The following CAPRIN1 variants were observed in gnomAD, a reference collection of about 807,000 sequenced individuals.
CAPRIN1 encodes the protein caprin-1.
CAPRIN1 carries 29 observed loss-of-function variants against 100.9 expected under a neutral mutation model. The ratio of observed to expected loss-of-function variants is 0.29; its 90% CI spans 0.21 to 0.39. CAPRIN1 has a LOEUF of 0.39. CAPRIN1 is among the 10% of genes least tolerant of loss of function. The probability of loss-of-function intolerance (pLI) is 1.00; values close to 1 mark genes in which losing one functional copy is unlikely to be tolerated. For synonymous variants in CAPRIN1, 338 were observed against 307.5 expected (o/e 1.10, Z -1.04); for missense variants, 795 against 876.7 (o/e 0.91, Z 1.18).
rs1453229800 is a variant in CAPRIN1, at chr11:34,086,346, C to T, written c.1164C>T (p.Ala388=). ...LDFENQTLDP[A]IVSAQPMNPT... is the part of the protein sequence containing the mutation. ...TTGAAAATCAGACACTTGATCCTGC[C>T]ATTGTATCTGCACAGCCTATGAATC... The change falls in exon 11 of 19, where the codon GCC becomes GCT. Residue 388 remains alanine (A), a synonymous_variant. Coordinates refer to ENST00000341394, the MANE Select transcript of CAPRIN1 (RefSeq NM_005898.5). 1 of 1,613,876 alleles carries T rather than the reference C, an allele frequency of 6.2e-7. No homozygotes were observed. Among genetic ancestry groups the T allele is most frequent in the Non-Finnish European group, 8.5e-7 (1 of 1,179,914 alleles).
At chr11:34,059,985 C>T (rs1157787442) in intron 2 of CAPRIN1, among the ~76,000 whole-genome samples, 1 of 145,998 alleles carries the variant, frequency 6.8e-6, no homozygotes, top group East Asian at 2.1e-4. Flanking sequence ...CACCTGAGGT[C>T]AGGAGTTCGA....
intron 2 of CAPRIN1, among the ~76,000 whole-genome samples, chr11:34,058,776 T>C (rs191603680): frequency 1.4e-3 from 215 of 152,322 alleles, no homozygotes; most frequent in African/African-American, 4.8e-3. Context: ...AGTTTTTCTT[T>C]ATGTTTAGCT....
intron 11 of CAPRIN1, among the ~76,000 whole-genome samples, chr11:34,088,068 G>T (rs547111777): frequency 1.7e-4 from 26 of 152,122 alleles, no homozygotes; most frequent in African/African-American, 6.0e-4. Context: ...CGCATTCTTG[G>T]CTCGGCACGC....
chr11:34,052,891 C>T (rs1277386595), intron 2 of CAPRIN1: 8 of 1,355,264 alleles, frequency 5.9e-6, no homozygotes, highest in South Asian at 1.7e-5. Flanking sequence ...TACTCTTCCG[C>T]TGTGGGTCCG....
chr11:34,086,616 T>C (rs1387325139), intron 11 of CAPRIN1, among the ~76,000 whole-genome samples: 2 of 152,270 alleles, frequency 1.3e-5, no homozygotes, highest in African/African-American at 4.8e-5. Context: ...TTTAAACTTT[T>C]CATTGGCATG....
At chr11:34,090,023 TATTATACAA>T in intron 12 of CAPRIN1, 147 bp from the exon 13 acceptor site, 2 of 467,198 alleles carry the variant, frequency 4.3e-6, no homozygotes. Flanking sequence ...TTAGGTTTTA[TATTATACAA>T]ATTTAAAGAG....
intron 2 of CAPRIN1, among the ~76,000 whole-genome samples, chr11:34,057,312 T>C (rs747163122): frequency 6.6e-5 from 10 of 152,212 alleles, no homozygotes; most frequent in African/African-American, 9.7e-5. Context: ...TGTGTTTGTA[T>C]GTGTAGCACT....
chr11:34,077,113 T>C (rs1193607179), intron 6 of CAPRIN1, among the ~76,000 whole-genome samples: 2 of 152,238 alleles, frequency 1.3e-5, no homozygotes, highest in Non-Finnish European at 1.5e-5. Context: ...ATTTACTGTT[T>C]GGTTTATTTC....
In CAPRIN1 at chr11:34,101,531, T is replaced by G; in HGVS notation, c.*2164T>G. On this transcript the variant is annotated 3_prime_UTR_variant, in exon 19 of 19. Transcript: ENST00000341394. Reference sequence around the variant, plus strand: ...CTTCTATGCATTAGTGCAGATGTTGTGAATGTGTAAAGGTGTTCATAGTTT... The same window carrying G: ...CTTCTATGCATTAGTGCAGATGTTGGGAATGTGTAAAGGTGTTCATAGTTT... Among the ~76,000 whole-genome samples the G allele has an allele frequency of 6.6e-6, 1 of 152,216 alleles. No homozygotes were observed. The highest frequency in any genetic ancestry group is 1.9e-4 in the East Asian group (1 of 5,206).
intron 2 of CAPRIN1, among the ~76,000 whole-genome samples, chr11:34,066,551 C>T (rs567264044): frequency 6.6e-6 from 1 of 151,598 alleles, no homozygotes; most frequent in Non-Finnish European, 1.5e-5. Flanking sequence ...CCAGGCTGGT[C>T]TCGAACTCCT....
At chr11:34,067,701 G>A (rs1381913051) in intron 2 of CAPRIN1, among the ~76,000 whole-genome samples, 1 of 152,042 alleles carries the variant, frequency 6.6e-6, no homozygotes, top group Non-Finnish European at 1.5e-5. Flanking sequence ...TTCTCACTAT[G>A]TTGTCCAGGC....
chr11:34,098,856 A>ATT (rs773880727), intron 18 of CAPRIN1: 6 of 988,378 alleles, frequency 6.1e-6, no homozygotes, highest in Non-Finnish European at 7.2e-6. Flanking sequence ...TTAGGTAATA[A>ATT]GGTCTGTTTT....
intron 2 of CAPRIN1, among the ~76,000 whole-genome samples, chr11:34,070,593 A>G (rs1850788111): frequency 6.6e-6 from 1 of 152,030 alleles, no homozygotes; most frequent in Non-Finnish European, 1.5e-5. Context: ...ATGGGGTTTC[A>G]TCATGTTGGC....
At chr11:34,080,978 A>G (rs934858898) in intron 7 of CAPRIN1, among the ~76,000 whole-genome samples, 1 of 152,198 alleles carries the variant, frequency 6.6e-6, no homozygotes, top group African/African-American at 2.4e-5. Flanking sequence ...ATGCTGCTTC[A>G]TACTACTACT....
Position 34,079,768 on chromosome 11 carries a change from GA to G in CAPRIN1, c.826+4del. ...TGAAGACCAGGTACCTGAAGCTGGTGAGTATTAGGTGGATATCAACTTTAGT... is the reference window on the plus strand; with the variant it reads ...TGAAGACCAGGTACCTGAAGCTGGTGGTATTAGGTGGATATCAACTTTAGT... On this transcript the variant is annotated splice_donor_region_variant and intron_variant, in intron 7 of 18. Transcript: ENST00000341394. 1 of 1,613,790 alleles carries G rather than the reference GA, an allele frequency of 6.2e-7. No homozygotes were observed. Among genetic ancestry groups the G allele is most frequent in the Non-Finnish European group, 8.5e-7 (1 of 1,179,846 alleles).
chr11:34,052,967 G>T, intron 2 of CAPRIN1: 1 of 1,108,532 alleles, frequency 9.0e-7, no homozygotes, highest in Non-Finnish European at 1.1e-6. Flanking sequence ...TCACTGTATG[G>T]TGCCCTTCTT....
chr11:34,086,125 C>CTTT lies in CAPRIN1; in HGVS notation c.1029_1031dup (p.Ser343_Leu344insPhe). On this transcript the variant is annotated inframe_insertion, in exon 10 of 19. Transcript: ENST00000341394. ...TCCCCTTCAGTACCAGAGCCCCACTCTTTGACTCCAGTGGCTCAGGCAGAT... is the reference window on the plus strand; with the variant it reads ...TCCCCTTCAGTACCAGAGCCCCACTCTTTTTTGACTCCAGTGGCTCAGGCAGAT... 6.2e-7 allele frequency: 1 copy of CTTT among 1,614,102 alleles called. No homozygotes were observed. Among genetic ancestry groups the CTTT allele is most frequent in the Non-Finnish European group, 8.5e-7 (1 of 1,179,970 alleles).
intron 2 of CAPRIN1, among the ~76,000 whole-genome samples, chr11:34,058,145 GT>G (rs201622248): frequency 2.2e-4 from 34 of 151,856 alleles, no homozygotes; most frequent in Admixed American, 2.2e-3. Context: ...AATTCTCGCA[GT>G]TTTTTTTGAA....
chr11:34,083,395 A>T (rs931851025), intron 9 of CAPRIN1, among the ~76,000 whole-genome samples: 2 of 152,142 alleles, frequency 1.3e-5, no homozygotes, highest in Non-Finnish European at 2.9e-5. Context: ...CTTTACCCTA[A>T]TGCTGTTTGG....
Sources: gnomAD v4.1 joint callset for allele counts (sites outside exome capture counted in the v4.1 genomes callset) on GRCh38, gnomAD v4.1.1 for gene constraint, MANE v1.5 for transcripts, NCBI Gene and HGNC (gene_info 2026-07-23, HGNC 2026-07-21) for gene names.